The following GSTCD variants were observed in gnomAD, a reference collection of about 807,000 sequenced individuals.
The protein encoded by GSTCD is glutathione S-transferase C-terminal domain-containing protein.
Under a neutral mutation model 68.3 loss-of-function variants are expected in GSTCD, and 44 were observed. That is an observed-to-expected ratio of 0.64 (90% CI 0.51 to 0.83). GSTCD has a LOEUF of 0.83. GSTCD is among the 40% of genes least tolerant of loss of function. GSTCD has a pLI of 0.00. For synonymous variants in GSTCD, 273 were observed against 255.2 expected (o/e 1.07, Z -0.67); for missense variants, 739 against 735.9 (o/e 1.00, Z -0.05).
intron 5 of GSTCD, among the ~76,000 whole-genome samples, chr4:105,810,715 AT>A (rs1722716609): frequency 6.6e-6 from 1 of 152,168 alleles, no homozygotes; most frequent in African/African-American, 2.4e-5. Flanking sequence ...TAACTAATAT[AT>A]TTGAACTTTT....
chr4:105,750,234 C>T lies in GSTCD; in HGVS notation c.1240+20735C>T, dbSNP rs148509314. 5.0e-3 allele frequency among the ~76,000 whole-genome samples: 757 copies of T among 152,142 alleles called. 6 individuals are homozygous for T. Among genetic ancestry groups the T allele is most frequent in the East Asian group, 0.039 (199 of 5,168 alleles). On this transcript the variant is annotated intron_variant, in intron 5 of 11. Coordinates refer to ENST00000515279, the MANE Select transcript of GSTCD (RefSeq NM_001370181.1). Reference sequence around the variant, plus strand: ...ATCCCAGCACTTTGAGAGGCCGAGGCGGGCGGATGACCTGAGGTCAGGAGT... The same window carrying T: ...ATCCCAGCACTTTGAGAGGCCGAGGTGGGCGGATGACCTGAGGTCAGGAGT...
chr4:105,724,413 A>T (rs75877913), intron 3 of GSTCD, among the ~76,000 whole-genome samples: 1,560 of 151,968 alleles, frequency 0.01, 32 homozygotes, highest in African/African-American at 0.035. Context: ...TTATAAAAAA[A>T]AAATTCTATA....
intron 11 of GSTCD, among the ~76,000 whole-genome samples, chr4:105,845,089 G>T (rs181771494): frequency 4.6e-5 from 7 of 152,226 alleles, no homozygotes; most frequent in Admixed American, 2.6e-4. Flanking sequence ...CCACATTACA[G>T]ATAATCTAGT....
chr4:105,840,387 T>A (rs1268795508), intron 10 of GSTCD: 2 of 256,000 alleles, frequency 7.8e-6, no homozygotes, highest in Admixed American at 4.5e-5. Flanking sequence ...TCACCCATTG[T>A]CATGAAATTT....
chr4:105,800,838 T>C (rs1736079610), intron 5 of GSTCD, among the ~76,000 whole-genome samples: 1 of 152,188 alleles, frequency 6.6e-6, no homozygotes, highest in African/African-American at 2.4e-5. Context: ...GTCCCATTTT[T>C]ATCAACTGAT....
Position 105,758,260 on chromosome 4 carries a change from C to G in GSTCD, c.1240+28761C>G, listed in dbSNP as rs570577090. On this transcript the variant is annotated intron_variant, in intron 5 of 11. Coordinates refer to ENST00000515279, the MANE Select transcript of GSTCD (RefSeq NM_001370181.1). ...GAAAACATCCTACACATAGCTTTTT[C>G]TATACTTTTGGTTATTCCCCGTGAT... Among the ~76,000 whole-genome samples the G allele has an allele frequency of 3.3e-5, 5 of 152,268 alleles. No individual in the cohort carries two copies. The East Asian group carries it at 9.6e-4, about 29-fold the overall frequency.
At chr4:105,749,003 G>C (rs1272162189) in intron 5 of GSTCD, among the ~76,000 whole-genome samples, 5 of 151,588 alleles carry the variant, frequency 3.3e-5, no homozygotes, top group Non-Finnish European at 7.4e-5. Flanking sequence ...TTTTATAATA[G>C]GTTTTAATGA....
intron 5 of GSTCD, among the ~76,000 whole-genome samples, chr4:105,750,236 G>T (rs2149226541): frequency 6.6e-6 from 1 of 152,250 alleles, no homozygotes; most frequent in South Asian, 2.1e-4. Context: ...GGCCGAGGCG[G>T]GCGGATGACC....
At chr4:105,813,933 C>T (rs2149268493) in intron 5 of GSTCD, among the ~76,000 whole-genome samples, 1 of 152,254 alleles carries the variant, frequency 6.6e-6, no homozygotes, top group East Asian at 1.9e-4. Context: ...GGAATGTAAA[C>T]ATCACTCTTG....
At chr4:105,771,944 C>A (rs1338183984) in intron 5 of GSTCD, among the ~76,000 whole-genome samples, 1 of 152,100 alleles carries the variant, frequency 6.6e-6, no homozygotes, top group Admixed American at 6.5e-5. Context: ...AGCACTGAAT[C>A]TATAAATTAC....
At chr4:105,833,779 A>G (rs1723998911) in intron 8 of GSTCD, among the ~76,000 whole-genome samples, 1 of 152,214 alleles carries the variant, frequency 6.6e-6, no homozygotes, top group African/African-American at 2.4e-5. Flanking sequence ...ATGTGTTTTA[A>G]AAACACTTAA....
intron 5 of GSTCD, among the ~76,000 whole-genome samples, chr4:105,734,007 T>C (rs576843628): frequency 5.9e-5 from 9 of 152,348 alleles, no homozygotes; most frequent in Non-Finnish European, 7.3e-5. Flanking sequence ...GAATGTTGAA[T>C]ATTGGCCCCC....
At chr4:105,815,779 T>C (rs11723240) in intron 5 of GSTCD, among the ~76,000 whole-genome samples, 8,165 of 152,244 alleles carry the variant, frequency 0.054, 252 homozygotes, top group Middle Eastern at 0.14. Flanking sequence ...GGAAAAGAAG[T>C]AAATACCTAA....
At chr4:105,796,365 A>G (rs1195752679) in intron 5 of GSTCD, among the ~76,000 whole-genome samples, 4 of 152,236 alleles carry the variant, frequency 2.6e-5, no homozygotes, top group Non-Finnish European at 5.9e-5. Flanking sequence ...TGTGGAAGTT[A>G]CAATTCAAGA....
chr4:105,727,776 A>G (rs544081966), intron 4 of GSTCD, among the ~76,000 whole-genome samples: 1 of 152,258 alleles, frequency 6.6e-6, no homozygotes, highest in South Asian at 2.1e-4. Flanking sequence ...AAAGTTTTCA[A>G]CAATGGGCTT....
chr4:105,782,431 G>A (rs1358773097), intron 5 of GSTCD, among the ~76,000 whole-genome samples: 1 of 152,138 alleles, frequency 6.6e-6, no homozygotes, highest in African/African-American at 2.4e-5. Flanking sequence ...GGTTGTGGCT[G>A]CAGTGAGCCA....
chr4:105,821,122 C>CTCT (rs1290375486), intron 5 of GSTCD: 5 of 151,824 alleles, frequency 3.3e-5, no homozygotes, highest in Non-Finnish European at 7.4e-5. Flanking sequence ...CCTCAAAGTA[C>CTCT]TCTTCTTTTT....
chr4:105,718,098 G>A, intron 2 of GSTCD, 59 bp downstream of exon 2: 1 of 1,305,408 alleles, frequency 7.7e-7, no homozygotes, highest in Admixed American at 2.4e-5. Flanking sequence ...ATAATTACCT[G>A]ACCATTTAAT....
chr4:105,725,430 T>C (rs991400811), intron 3 of GSTCD, among the ~76,000 whole-genome samples: 1 of 152,142 alleles, frequency 6.6e-6, no homozygotes, highest in African/African-American at 2.4e-5. Flanking sequence ...TCAAAGTGGC[T>C]GTACTATTTT....
Sources: allele counts gnomAD v4.1 joint callset (sites outside exome capture counted in the v4.1 genomes callset), GRCh38; gene constraint gnomAD v4.1.1; transcripts MANE v1.5; gene names NCBI Gene and HGNC (gene_info 2026-07-23, HGNC 2026-07-21).